SLC10A7: variants seen among roughly 807,000 people sequenced by gnomAD.
SLC10A7 encodes the protein solute carrier family 10 member 7, also known as sodium/bile acid cotransporter 7.
A neutral mutation model predicts 43.2 loss-of-function variants in SLC10A7; 29 were observed. That is an observed-to-expected ratio of 0.67 (90% CI 0.50 to 0.92). The LOEUF (loss-of-function observed/expected upper bound fraction) is 0.92. SLC10A7 is among the 40% of genes least tolerant of loss of function. SLC10A7 has a pLI of 0.00. For missense variants in SLC10A7, 295 were observed against 403.2 expected (o/e 0.73, Z 2.30); for synonymous variants, 152 against 144.8 (o/e 1.05, Z -0.35).
intron 6 of SLC10A7, among the ~76,000 whole-genome samples, chr4:146,310,580 T>C (rs987737374): frequency 2.0e-5 from 3 of 152,134 alleles, no homozygotes; most frequent in African/African-American, 4.8e-5. Context: ...ATTACTGATG[T>C]TGAGCTTTTT....
intron 4 of SLC10A7, among the ~76,000 whole-genome samples, chr4:146,457,527 C>T (rs1324150979): frequency 3.3e-5 from 5 of 151,852 alleles, no homozygotes; most frequent in African/African-American, 1.2e-4. Context: ...CCCCAAAAAA[C>T]ATTCTTAACT....
At chr4:146,303,718 G>C (rs1365899376) in intron 7 of SLC10A7, among the ~76,000 whole-genome samples, 1 of 152,012 alleles carries the variant, frequency 6.6e-6, no homozygotes, top group Non-Finnish European at 1.5e-5. Context: ...TCAAAGACTT[G>C]TTTCCTGTTT....
chr4:146,271,874 T>C (rs149995535), intron 10 of SLC10A7, among the ~76,000 whole-genome samples: 2 of 152,308 alleles, frequency 1.3e-5, no homozygotes, highest in African/African-American at 4.8e-5. Context: ...TCCACAGGCT[T>C]GCTCCCTATT....
chr4:146,298,150 G>A (rs6537414), intron 7 of SLC10A7, among the ~76,000 whole-genome samples: 75,503 of 151,912 alleles, frequency 0.5, 18,954 homozygotes, highest in Admixed American at 0.58. Flanking sequence ...CTCACTTTCC[G>A]TGTGCCTCAT....
intron 5 of SLC10A7, among the ~76,000 whole-genome samples, chr4:146,373,473 CAAA>C (rs3054691): frequency 1.6e-5 from 2 of 128,412 alleles, no homozygotes; most frequent in African/African-American, 3.0e-5. Context: ...GACCCTGTCT[CAAA>C]AAAAAAAAAA....
chr4:146,384,202 G>T (rs1231484885), intron 5 of SLC10A7, among the ~76,000 whole-genome samples: 2 of 151,980 alleles, frequency 1.3e-5, no homozygotes, highest in Non-Finnish European at 2.9e-5. Context: ...GCTCAAAACT[G>T]CTATTTGGTG....
At chr4:146,456,517 A>G (rs141678673) in intron 4 of SLC10A7, among the ~76,000 whole-genome samples, 13 of 152,068 alleles carry the variant, frequency 8.5e-5, no homozygotes, top group Non-Finnish European at 1.3e-4. Flanking sequence ...AGGGGTTCCA[A>G]TGTCCTCCTT....
chr4:146,330,315 T>C (rs888037070), intron 5 of SLC10A7, among the ~76,000 whole-genome samples: 2 of 152,182 alleles, frequency 1.3e-5, no homozygotes, highest in South Asian at 2.1e-4. Context: ...AGTGAAATTA[T>C]GAAATTTTTG....
At chr4:146,325,209 T>G (rs531987060) in intron 6 of SLC10A7, among the ~76,000 whole-genome samples, 2 of 152,338 alleles carry the variant, frequency 1.3e-5, no homozygotes, top group South Asian at 2.1e-4. Flanking sequence ...TGATTTATAT[T>G]TGGAAGATGT....
intron 5 of SLC10A7, among the ~76,000 whole-genome samples, chr4:146,340,734 A>C (rs1472589663): frequency 6.6e-6 from 1 of 151,918 alleles, no homozygotes; most frequent in African/African-American, 2.4e-5. Context: ...GTTGTTACTA[A>C]GGAATTTTTA....
In SLC10A7 at chr4:146,258,850, G is replaced by A. The variant is rs764186278; in HGVS notation, c.848-13C>T. 1 of 1,600,548 alleles carries A rather than the reference G, an allele frequency of 6.2e-7. No homozygotes were observed. Among genetic ancestry groups the A allele is most frequent in the Non-Finnish European group, 8.5e-7 (1 of 1,176,634 alleles). On this transcript the variant is annotated splice_polypyrimidine_tract_variant and intron_variant, in intron 10 of 11. Transcript: ENST00000335472. The stretch of plus-strand genomic sequence containing the variant: ...AGCATCGGAATTCCTGTTGAACAAA[G>A]AAGACAGAAAACCTAAACCAAATTC...
intron 6 of SLC10A7, among the ~76,000 whole-genome samples, chr4:146,318,972 T>A (rs759120802): frequency 4.6e-5 from 7 of 152,078 alleles, no homozygotes; most frequent in African/African-American, 1.7e-4. Context: ...TCACTTGCCA[T>A]AATATCATTA....
chr4:146,373,886 G>A (rs1285785438), intron 5 of SLC10A7, among the ~76,000 whole-genome samples: 1 of 152,144 alleles, frequency 6.6e-6, no homozygotes, highest in Non-Finnish European at 1.5e-5. Flanking sequence ...AGAGATGATG[G>A]CTAAGCTAGG....
rs755478913 is a variant in SLC10A7 at position 146,362,197 on chromosome 4, A to G, written c.436-36201T>C. ...AATGTTTATTCAAAGAAATAATAAT[A>G]AAGAACTTTCCAATTCTAGAGAGAA... On this transcript the variant is annotated intron_variant, in intron 5 of 11. Coordinates refer to ENST00000335472, the MANE Select transcript of SLC10A7 (RefSeq NM_001029998.6). 1.1e-3 allele frequency among the ~76,000 whole-genome samples: 172 copies of G among 152,130 alleles called. 1 individual carries two copies. The highest frequency in any genetic ancestry group is 2.0e-3 in the Admixed American group (31 of 15,268).
At chr4:146,329,396 T>C (rs975220494) in intron 5 of SLC10A7, among the ~76,000 whole-genome samples, 5 of 152,206 alleles carry the variant, frequency 3.3e-5, no homozygotes, top group South Asian at 2.1e-4. Flanking sequence ...GTAGTACTTA[T>C]GTTGGATATT....
chr4:146,318,681 G>T (rs72950649), intron 6 of SLC10A7, among the ~76,000 whole-genome samples: 3,610 of 152,030 alleles, frequency 0.024, 135 homozygotes, highest in African/African-American at 0.08. Flanking sequence ...ATAGTCCATT[G>T]CTTACCTGAT....
chr4:146,512,218 C>T (rs541929835), intron 2 of SLC10A7, among the ~76,000 whole-genome samples: 3 of 150,804 alleles, frequency 2.0e-5, no homozygotes, highest in South Asian at 4.1e-4. Flanking sequence ...AGGTGATCCA[C>T]CCGCCTTGGC....
At position 146,331,012 on chromosome 4, in the gene SLC10A7, C is replaced by G. The variant is rs563899640; in HGVS notation, c.436-5016G>C. Among the ~76,000 whole-genome samples, 22 of 152,248 alleles carry G rather than the reference C, an allele frequency of 1.4e-4. No individual in the cohort carries two copies. The East Asian group carries it at 4.2e-3, about 29-fold the overall frequency. On this transcript the variant is annotated intron_variant, in intron 5 of 11. Coordinates refer to ENST00000335472, the MANE Select transcript of SLC10A7 (RefSeq NM_001029998.6). Reference sequence around the variant, plus strand: ...CTGAATGGTGTAAATAAAATCTATGCCTTCTTCAGCTATTTCCTCAGGGTT... The same window carrying G: ...CTGAATGGTGTAAATAAAATCTATGGCTTCTTCAGCTATTTCCTCAGGGTT...
intron 5 of SLC10A7, among the ~76,000 whole-genome samples, chr4:146,368,320 G>GT (rs1736539022): frequency 6.6e-6 from 1 of 152,208 alleles, no homozygotes; most frequent in Admixed American, 6.5e-5. Context: ...CAGCATGAGA[G>GT]TATCTGGCTG....
Sources: gnomAD v4.1 joint callset for allele counts (sites outside exome capture counted in the v4.1 genomes callset) on GRCh38, gnomAD v4.1.1 for gene constraint, MANE v1.5 for transcripts, NCBI Gene and HGNC (gene_info 2026-07-23, HGNC 2026-07-21) for gene names.